The following NEXN variants were observed in gnomAD, a reference collection of about 807,000 sequenced individuals.
The protein encoded by NEXN is nexilin.
NEXN carries 65 observed loss-of-function variants against 92.6 expected under a neutral mutation model. The observed-to-expected ratio is 0.70, with a 90% CI of 0.57 to 0.86. The LOEUF is 0.86. NEXN is among the 40% of genes least tolerant of loss of function. NEXN has a pLI of 0.00. For synonymous variants in NEXN, 254 were observed against 242.5 expected, an observed-to-expected ratio of 1.05 and a Z score of -0.44; for missense variants, 778 against 771.1, an observed-to-expected ratio of 1.01 and a Z score of -0.11.
chr1:77,924,125 G>A, intron 5 of NEXN: 1 of 165,364 alleles, frequency 6.0e-6, no homozygotes, highest in Non-Finnish European at 1.3e-5. Context: ...ACTTTGGGAG[G>A]CCAAGACACG....
intron 1 of NEXN, among the ~76,000 whole-genome samples, chr1:77,902,458 G>A (rs529441519): frequency 1.9e-4 from 15 of 78,046 alleles, no homozygotes; most frequent in Non-Finnish European, 5.8e-4. Context: ...TTTTGATTCT[G>A]TTCATATTCT....
At chr1:77,910,770 A>AC (rs1648515537) in intron 1 of NEXN, among the ~76,000 whole-genome samples, 4 of 151,768 alleles carry the variant, frequency 2.6e-5, no homozygotes, top group Non-Finnish European at 5.9e-5. Flanking sequence ...AAAAAAAAAA[A>AC]ACTAATAAGT....
At chr1:77,917,268 G>GA (rs1432075264) in intron 2 of NEXN, among the ~76,000 whole-genome samples, 1 of 152,126 alleles carries the variant, frequency 6.6e-6, no homozygotes, top group African/African-American at 2.4e-5. Context: ...TTAGAATTCA[G>GA]AATTTGATTT....
intron 1 of NEXN, among the ~76,000 whole-genome samples, chr1:77,915,030 G>A (rs926849769): frequency 1.3e-5 from 2 of 151,936 alleles, no homozygotes; most frequent in African/African-American, 2.4e-5. Context: ...AAGAAAGTTG[G>A]GGGCCAGATG....
intron 1 of NEXN, among the ~76,000 whole-genome samples, chr1:77,896,976 T>C (rs1329275375): frequency 6.6e-6 from 1 of 152,170 alleles, no homozygotes; most frequent in African/African-American, 2.4e-5. Flanking sequence ...GTTGAATCTC[T>C]GAATAGACCA....
At chr1:77,910,841 A>AT (rs1296093367) in intron 1 of NEXN, among the ~76,000 whole-genome samples, 1 of 151,430 alleles carries the variant, frequency 6.6e-6, no homozygotes, top group Non-Finnish European at 1.5e-5. Context: ...TTTAATTTTA[A>AT]TTTTTTTTCT....
intron 5 of NEXN, among the ~76,000 whole-genome samples, chr1:77,919,841 C>T (rs1373349616): frequency 6.6e-6 from 1 of 151,690 alleles, no homozygotes; most frequent in African/African-American, 2.4e-5. Context: ...CTCAGGTGAT[C>T]TACCTGCCTT....
At chr1:77,909,642 C>A (rs1486868631) in intron 1 of NEXN, among the ~76,000 whole-genome samples, 1 of 152,036 alleles carries the variant, frequency 6.6e-6, no homozygotes, top group African/African-American at 2.4e-5. Flanking sequence ...CACCGACAGA[C>A]CCACTAAACA....
At position 77,942,835 on chromosome 1, in the gene NEXN, C is replaced by T; in HGVS notation, c.*6C>T. The T allele has an allele frequency of 6.3e-7, 1 of 1,595,832 alleles. No individual in the cohort carries two copies. The highest frequency in any genetic ancestry group is 8.6e-7 in the Non-Finnish European group (1 of 1,167,744). On this transcript the variant is annotated 3_prime_UTR_variant, in exon 13 of 13. Coordinates refer to ENST00000334785, the MANE Select transcript of NEXN (RefSeq NM_144573.4). ...CCATTGAAAGTAAGAATTAATCACTCTTTTTATCTTTTATTCTATTAATTT... is the reference window on the plus strand; with the variant it reads ...CCATTGAAAGTAAGAATTAATCACTTTTTTTATCTTTTATTCTATTAATTT...
rs558748419 is a variant in NEXN, at chr1:77,892,160, C to A, written c.-53+3401C>A. 9.5e-4 allele frequency among the ~76,000 whole-genome samples: 144 copies of A among 151,968 alleles called. 4 individuals are homozygous for A. The South Asian group carries it at 0.029, about 31-fold the overall frequency. ...TTACATTAAAATATCGATTTACGTC[C>A]TCTCTTAAAAATTGGAAAATCTGGG... is the stretch of plus-strand genomic sequence containing the variant. On this transcript the variant is annotated intron_variant, in intron 1 of 12. Transcript: ENST00000334785.
rs748406664 is a variant in NEXN, at chr1:77,929,481, T to G, written c.1030T>G (p.Phe344Val). The change falls in exon 9 of 13, where the codon TTT becomes GTT. Residue 344 changes from phenylalanine to valine, a missense_variant. By Grantham distance (50) the Phe-to-Val change is conservative (BLOSUM62 -1). Coordinates refer to ENST00000334785, the MANE Select transcript of NEXN (RefSeq NM_144573.4). The stretch of plus-strand genomic sequence containing the variant: ...GAGAATAGAGGAAGAAAAGAAGGCG[T>G]TTGCTGAAGCAAGGAGAAATATGGT... ...RRRIEEEKKA[F>V]AEARRNMVVD... 13 of 1,612,820 alleles carry G rather than the reference T, an allele frequency of 8.1e-6. No individual in the cohort carries two copies. In the African/African-American group the frequency reaches 1.2e-4, roughly 15 times the overall value.
intron 11 of NEXN, among the ~76,000 whole-genome samples, chr1:77,938,303 A>G (rs1386703417): frequency 1.3e-5 from 2 of 152,170 alleles, no homozygotes; most frequent in South Asian, 2.1e-4. Flanking sequence ...CATTTTTAAC[A>G]TGTTGGATCT....
At chr1:77,937,511 G>T (rs1400961082) in intron 11 of NEXN, among the ~76,000 whole-genome samples, 1 of 152,134 alleles carries the variant, frequency 6.6e-6, no homozygotes, top group African/African-American at 2.4e-5. Flanking sequence ...CCAACATAGT[G>T]AAACCCTGTC....
At chr1:77,933,866 G>T (rs903799210) in intron 10 of NEXN, among the ~76,000 whole-genome samples, 3 of 152,134 alleles carry the variant, frequency 2.0e-5, no homozygotes, top group African/African-American at 7.2e-5. Context: ...GTTTAATGCT[G>T]AGGTTACTGT....
intron 2 of NEXN, 27 bp downstream of exon 2, chr1:77,916,160 T>C: frequency 6.4e-7 from 1 of 1,570,398 alleles, no homozygotes; most frequent in South Asian, 1.1e-5. Flanking sequence ...AAAATAAAAA[T>C]AAAAGAGGGA....
In NEXN at chr1:77,942,168, T is replaced by C. The variant is rs531641059; in HGVS notation, c.1619T>C (p.Met540Thr). The change falls in exon 12 of 13, where the codon ATG becomes ACG. Residue 540 changes from methionine to threonine, a missense_variant. Around this residue, in one of 3 missense-constraint regions of NEXN, gnomAD observed 532 missense variants for 476.7 expected, o/e 1.12. Coordinates refer to ENST00000334785, the MANE Select transcript of NEXN (RefSeq NM_144573.4). ...RRIEEQKLLR[M>T]QFEQREIDAA... ...ATTGAAGAACAAAAGTTACTACGCA[T>C]GCAGTTTGAACAAAGGGAAATTGAT... 2 of 1,613,818 alleles carry C rather than the reference T, an allele frequency of 1.2e-6. No individual in the cohort carries two copies. Among genetic ancestry groups the C allele is most frequent in the Middle Eastern group, 3.3e-4 (2 of 6,060 alleles).
intron 11 of NEXN, among the ~76,000 whole-genome samples, chr1:77,939,450 G>C (rs1258707747): frequency 6.6e-6 from 1 of 152,194 alleles, no homozygotes; most frequent in Non-Finnish European, 1.5e-5. Context: ...AATATTTAGT[G>C]GATGACTGGC....
At chr1:77,900,938 C>T (rs959982667) in intron 1 of NEXN, among the ~76,000 whole-genome samples, 5 of 152,118 alleles carry the variant, frequency 3.3e-5, no homozygotes, top group Non-Finnish European at 5.9e-5. Flanking sequence ...AATCACTTAA[C>T]GCTAGAAGAA....
intron 1 of NEXN, among the ~76,000 whole-genome samples, chr1:77,898,291 C>T (rs1363882887): frequency 6.4e-4 from 98 of 152,006 alleles, no homozygotes; most frequent in African/African-American, 2.0e-3. Flanking sequence ...CAAAACAGCA[C>T]GGTACTGGTA....
Sources: allele counts gnomAD v4.1 joint callset (sites outside exome capture counted in the v4.1 genomes callset), GRCh38; gene constraint gnomAD v4.1.1; regional missense constraint gnomAD v4.1.1; transcripts MANE v1.5; gene names NCBI Gene and HGNC (gene_info 2026-07-23, HGNC 2026-07-21).